CDC5L: variants seen among roughly 807,000 people sequenced by gnomAD.
CDC5L encodes cell division cycle 5-like protein.
In CDC5L, 18 loss-of-function variants were observed where a neutral mutation model predicts 104.1. That is an observed-to-expected ratio of 0.17 (90% CI 0.12 to 0.26). The LOEUF (loss-of-function observed/expected upper bound fraction) is 0.26. CDC5L is among the 10% of genes least tolerant of loss of function. CDC5L has a pLI of 1.00. For missense variants in CDC5L, 673 were observed against 956.9 expected (o/e 0.70, Z 3.91); for synonymous variants, 331 against 322.7 (o/e 1.03, Z -0.28).
intron 5 of CDC5L, among the ~76,000 whole-genome samples, chr6:44,401,879 C>T: frequency 6.8e-6 from 1 of 146,108 alleles, no homozygotes; most frequent in East Asian, 2.0e-4. Context: ...TGTTCAGTTC[C>T]CACCTATGAG....
At chr6:44,435,789 T>G (rs1792906979) in intron 14 of CDC5L, 1 of 150,068 alleles carries the variant, frequency 6.7e-6, no homozygotes, top group African/African-American at 2.4e-5. Context: ...TAGTTTTTGT[T>G]TTTTTTTTTT....
intron 2 of CDC5L, 126 bp from the exon 3 acceptor site, chr6:44,392,541 T>A (rs1790670130): frequency 1.3e-6 from 1 of 756,522 alleles, no homozygotes; most frequent in Admixed American, 2.7e-5. Flanking sequence ...ACAGCAAATA[T>A]TCTGTTGTCA....
chr6:44,437,213 T>C (rs1468588533), intron 14 of CDC5L, among the ~76,000 whole-genome samples: 1 of 152,228 alleles, frequency 6.6e-6, no homozygotes, highest in Non-Finnish European at 1.5e-5. Flanking sequence ...TGTCCCTGTA[T>C]GCATGTACAT....
At chr6:44,412,482 C>T (rs1308340965) in intron 8 of CDC5L, among the ~76,000 whole-genome samples, 7 of 151,974 alleles carry the variant, frequency 4.6e-5, no homozygotes, top group Admixed American at 2.0e-4. Context: ...CCGCCTTGGC[C>T]TCTCAGAGTG....
rs373544801 is a variant in CDC5L at position 44,396,427 on chromosome 6, T to C, written c.526T>C (p.Leu176=). 35 of 1,607,590 alleles carry C rather than the reference T, an allele frequency of 2.2e-5. No homozygotes were observed. The highest frequency in any genetic ancestry group is 3.4e-5 in the Admixed American group (2 of 59,666). The change falls in exon 5 of 16, where the codon TTG becomes CTG. Residue 176 remains leucine, a synonymous_variant. Coordinates refer to ENST00000371477, the MANE Select transcript of CDC5L (RefSeq NM_001253.4). ...KAKRKAREKQ[L]EEARRLAALQ... ...CAAGAGGAAAGCAAGAGAGAAACAA[T>C]TGGAAGAAGCAAGGTATGTGTGGAT...
chr6:44,412,639 G>C (rs1791699337), intron 8 of CDC5L, among the ~76,000 whole-genome samples: 1 of 151,406 alleles, frequency 6.6e-6, no homozygotes, highest in Admixed American at 6.6e-5. Flanking sequence ...TACATTATAG[G>C]ACAATATAAG....
intron 2 of CDC5L, 148 bp from the exon 3 acceptor site, chr6:44,392,519 A>G: frequency 1.6e-6 from 1 of 620,436 alleles, no homozygotes; most frequent in African/African-American, 1.8e-5. Context: ...TGACTGGGGT[A>G]AGTGTAACCA....
intron 5 of CDC5L, among the ~76,000 whole-genome samples, chr6:44,402,420 T>C (rs919170920): frequency 1.6e-4 from 25 of 152,250 alleles, no homozygotes; most frequent in African/African-American, 5.8e-4. Context: ...CTGTATCTGC[T>C]TCAGATCCTC....
chr6:44,393,744 G>A (rs1349442303), intron 4 of CDC5L, among the ~76,000 whole-genome samples, 171 bp downstream of exon 4: 4 of 151,762 alleles, frequency 2.6e-5, no homozygotes, highest in East Asian at 3.9e-4. Flanking sequence ...GGTTCACTGC[G>A]GTTTTGACCT....
chr6:44,421,252 G>A (rs976733513), intron 9 of CDC5L, among the ~76,000 whole-genome samples: 4 of 152,140 alleles, frequency 2.6e-5, no homozygotes, highest in African/African-American at 9.7e-5. Context: ...TTCCACATGC[G>A]TTAACTAGAA....
In CDC5L at chr6:44,438,688, A is replaced by T. The variant is rs559410292; in HGVS notation, c.2092-6967A>T. Among the ~76,000 whole-genome samples, 14 of 124,352 alleles carry T rather than the reference A, an allele frequency of 1.1e-4. 1 individual carries two copies. Among genetic ancestry groups the T allele is most frequent in the Non-Finnish European group, 1.3e-4 (8 of 59,758 alleles). The allele number at this position is 124,352 out of a possible 152,430, so 81.6% of individuals were successfully genotyped here. A position where few individuals can be genotyped will look rare whatever the true frequency, so the allele number is the denominator to read the frequency against. On this transcript the variant is annotated intron_variant, in intron 14 of 15. Transcript: ENST00000371477. ...GTCTTTTTTTTTTTTTTTTTTTTTT[A>T]AACTCTAACTCCATCCCACTACTGC...
chr6:44,441,932 C>CTTTT (rs145016358), intron 14 of CDC5L, among the ~76,000 whole-genome samples: 1,333 of 92,832 alleles, frequency 0.014, 105 homozygotes, highest in African/African-American at 0.049. Context: ...AGGTCTTGTT[C>CTTTT]TTTTTTTTTT....
At chr6:44,412,087 C>T (rs1791667791) in intron 8 of CDC5L, among the ~76,000 whole-genome samples, 1 of 152,182 alleles carries the variant, frequency 6.6e-6, no homozygotes, top group African/African-American at 2.4e-5. Flanking sequence ...TTGTAAGAAT[C>T]CCACTAGCCA....
Position 44,390,287 on chromosome 6 carries a change from C to T in CDC5L, c.65C>T (p.Ala22Val). The T allele has an allele frequency of 2.5e-6, 4 of 1,611,466 alleles. No individual in the cohort carries two copies. Among genetic ancestry groups the T allele is most frequent in the African/African-American group, 1.3e-5 (1 of 74,856 alleles). ...RNTEDEILKA[A>V]VMKYGKNQWS... ...TTTTAGGATGAAATTCTGAAAGCAG[C>T]GGTAATGAAATATGGGAAAAATCAG... The change falls in exon 2 of 16, where the codon GCG (alanine) becomes GTG (valine). Residue 22 changes from alanine to valine, a missense_variant. By Grantham distance (64) the Ala-to-Val change is moderately conservative. This residue lies in a region of CDC5L where 13 missense variants were observed against 56.0 expected (regional missense o/e 0.23). Coordinates refer to ENST00000371477, the MANE Select transcript of CDC5L (RefSeq NM_001253.4).
intron 2 of CDC5L, among the ~76,000 whole-genome samples, chr6:44,391,352 C>T (rs1364479587): frequency 1.3e-5 from 2 of 151,880 alleles, no homozygotes; most frequent in Non-Finnish European, 2.9e-5. Flanking sequence ...GGGTTCACGC[C>T]ATTCTTCTGC....
At chr6:44,425,375 A>G (rs879319279) in intron 11 of CDC5L, among the ~76,000 whole-genome samples, 16 of 152,182 alleles carry the variant, frequency 1.1e-4, no homozygotes, top group Admixed American at 1.0e-3. Flanking sequence ...CTAGTAAGGA[A>G]TACTCAACAA....
chr6:44,408,557 T>A lies in CDC5L; in HGVS notation c.1017T>A (p.Ser339=), dbSNP rs1284153810. The A allele has an allele frequency of 6.2e-7, 1 of 1,613,902 alleles. No homozygotes were observed. Among genetic ancestry groups the A allele is most frequent in the Non-Finnish European group, 8.5e-7 (1 of 1,179,882 alleles). The stretch of plus-strand genomic sequence containing the variant: ...ATTCTGCTTCCAGTACACTTTTGTC[T>A]GAGTACAATGTCACCAACAACAGCG... The part of the protein sequence containing the change: ...ITNSASSTLL[S]EYNVTNNSVA... The change falls in exon 8 of 16, where the codon TCT becomes TCA. Residue 339 remains serine (S), a synonymous_variant. Transcript: ENST00000371477.
At chr6:44,423,712 G>C (rs997662678) in intron 10 of CDC5L, among the ~76,000 whole-genome samples, 1 of 152,080 alleles carries the variant, frequency 6.6e-6, no homozygotes, top group Non-Finnish European at 1.5e-5. Context: ...GAAAACTCTG[G>C]GTACCAGGAG....
intron 9 of CDC5L, 54 bp downstream of exon 9, chr6:44,419,651 G>A: frequency 2.2e-6 from 3 of 1,393,268 alleles, no homozygotes; most frequent in Admixed American, 1.7e-5. Flanking sequence ...CAAGGACTTA[G>A]CATATTTGCT....
Sources: allele counts gnomAD v4.1 joint callset (sites outside exome capture counted in the v4.1 genomes callset), GRCh38; gene constraint gnomAD v4.1.1; regional missense constraint gnomAD v4.1.1; transcripts MANE v1.5; gene names NCBI Gene and HGNC (gene_info 2026-07-23, HGNC 2026-07-21).